The following ADAM33 variants were observed in gnomAD, a reference collection of about 807,000 sequenced individuals.
ADAM33 encodes disintegrin and metalloproteinase domain-containing protein 33.
A neutral mutation model predicts 106.2 loss-of-function variants in ADAM33; 103 were observed. That is an observed-to-expected ratio of 0.97 (90% CI 0.83 to 1.14). The LOEUF (loss-of-function observed/expected upper bound fraction) is 1.14, where lower values mean the gene tolerates loss of function less well. Ranked by LOEUF, ADAM33 falls within the 50% of genes most tolerant of loss-of-function variation. The pLI is 0.00. For synonymous variants in ADAM33, 483 were observed against 453.0 expected, an observed-to-expected ratio of 1.07 and a Z score of -0.84; for missense variants, 1,120 against 1,096.6, an observed-to-expected ratio of 1.02 and a Z score of -0.30.
intron 11 of ADAM33, 146 bp downstream of exon 11, chr20:3,673,208 A>G (rs532984716): frequency 6.5e-7 from 1 of 1,531,674 alleles, no homozygotes; most frequent in South Asian, 1.2e-5. Context: ...CTTCCCTTTA[A>G]GCCTCATAAA....
At position 3,674,637 on chromosome 20, in the gene ADAM33, C is replaced by G; in HGVS notation, c.467G>C (p.Arg156Pro). ...ASYYLRPWPPRGSKDFSTHEI... is the reference protein window; with the variant it reads ...ASYYLRPWPPPGSKDFSTHEI... ...GTGGGTTGAGAAGTCCTTGGAGCCC[C>G]GGGGTGGCCAGGGACGCAGATAATA... is the stretch of plus-strand genomic sequence containing the variant. Residue 156 changes from arginine (R) to proline (P), a missense_variant, in exon 6 of 22, where the codon CGG (arginine) becomes CCG (proline). By Grantham distance (103) the Arg-to-Pro change is moderately radical (BLOSUM62 -2). Transcript: ENST00000356518. The G allele has an allele frequency of 6.2e-6, 10 of 1,612,732 alleles. No homozygotes were observed. The highest frequency in any genetic ancestry group is 8.5e-6 in the Non-Finnish European group (10 of 1,179,606).
At chr20:3,679,062 C>A (rs574282569) in intron 2 of ADAM33, among the ~76,000 whole-genome samples, 4 of 151,722 alleles carry the variant, frequency 2.6e-5, no homozygotes, top group African/African-American at 9.7e-5. Context: ...CGTGGCAGGG[C>A]CCTGAGAGGG....
Position 3,679,549 on chromosome 20 carries a change from G to A in ADAM33, c.120C>T (p.Val40=), listed in dbSNP as rs1245074559. 6.2e-7 allele frequency: 1 copy of A among 1,610,138 alleles called. No individual in the cohort carries two copies. Among genetic ancestry groups the A allele is most frequent in the South Asian group, 1.1e-5 (1 of 89,950 alleles). ...GTCCATCCAGGACCCAGTGCGGGGT[G>A]ACTGGCTGCCCAGGGATATGTCCTG... The part of the protein sequence containing the change: ...VLQGHIPGQP[V]TPHWVLDGQP... The change falls in exon 2 of 22, where the codon GTC becomes GTT. Residue 40 remains valine, a synonymous_variant. Coordinates refer to ENST00000356518, the MANE Select transcript of ADAM33 (RefSeq NM_025220.5).
Position 3,673,575 on chromosome 20 carries a change from G to C in ADAM33, c.989C>G (p.Thr330Arg). ...CTCGCCCCCGCCCGCGGGGCTCACC[G>C]TGCTCACGCCTCCCGAGCTCTCGGC... ...CRAESSGGVSTDHSELPIGAA... is the reference protein window; with the variant it reads ...CRAESSGGVSRDHSELPIGAA... Residue 330 changes from threonine to arginine, a missense_variant and splice_region_variant, in exon 10 of 22, where the codon ACG becomes AGG. Transcript: ENST00000356518. The C allele has an allele frequency of 7.2e-7, 1 of 1,386,828 alleles. No homozygotes were observed. The highest frequency in any genetic ancestry group is 3.0e-5 in the East Asian group (1 of 33,682). The allele number at this position is 1,386,828 out of a possible 1,614,324, so 85.9% of individuals were successfully genotyped here. A position where few individuals can be genotyped will look rare whatever the true frequency, so the allele number is the denominator to read the frequency against.
chr20:3,672,619 C>T lies in ADAM33; in HGVS notation c.1319G>A (p.Arg440His), dbSNP rs1568802935. 1 of 1,613,450 alleles carries T rather than the reference C, an allele frequency of 6.2e-7. No homozygotes were observed. Residue 440 changes from arginine (R) to histidine (H), a missense_variant, in exon 13 of 22, where the codon CGC becomes CAC. By Grantham distance (29) the Arg-to-His change is conservative (BLOSUM62 0). Transcript: ENST00000356518. The stretch of plus-strand genomic sequence containing the variant: ...GTTGTGAGCAAAGCAGCAGAGGTCG[C>T]GGCACTCCTGGGACCAGAAAGGCAA... ...ECDCGPGQEC[R>H]DLCCFAHNCS... is the part of the protein sequence containing the mutation.
chr20:3,678,354 G>T (rs2088157979), intron 2 of ADAM33, among the ~76,000 whole-genome samples: 1 of 151,980 alleles, frequency 6.6e-6, no homozygotes, highest in Admixed American at 6.5e-5. Context: ...ACCGGTGGGG[G>T]AAGCAGAGCC....
At chr20:3,670,769 T>G in intron 19 of ADAM33, 2 of 559,050 alleles carry the variant, frequency 3.6e-6, no homozygotes, top group Admixed American at 6.2e-5. Flanking sequence ...GGAGCTGTAC[T>G]GGGAGGTAGA....
Position 3,673,618 on chromosome 20 carries a change from C to A in ADAM33, c.946G>T (p.Val316Phe). The change falls in exon 10 of 22, where the codon GTC becomes TTC. Residue 316 changes from valine (V) to phenylalanine (F), a missense_variant. Physicochemically the swap from Val to Phe is conservative, Grantham distance 50 (BLOSUM62 -1). Transcript: ENST00000356518. ...CTCTCGGCGCGGCACATGCCCTCGA[C>A]GGGCGCCAGGCCCACTGTGGCGCCC... ...FQGATVGLAP[V>F]EGMCRAESSG... The A allele has an allele frequency of 1.0e-5, 14 of 1,359,700 alleles. No individual in the cohort carries two copies. Among genetic ancestry groups the A allele is most frequent in the Non-Finnish European group, 1.1e-5 (12 of 1,063,694 alleles). The allele number at this position is 1,359,700 out of a possible 1,614,324, so 84.2% of individuals were successfully genotyped here.
chr20:3,669,093 A>G, intron 21 of ADAM33, 93 bp from the exon 22 acceptor site: 1 of 1,445,558 alleles, frequency 6.9e-7, no homozygotes, highest in Non-Finnish European at 9.7e-7. Context: ...AGTGAGGACC[A>G]GTGATCCAGG....
At chr20:3,673,260 A>G in intron 11 of ADAM33, 94 bp downstream of exon 11, 1 of 1,534,184 alleles carries the variant, frequency 6.5e-7, no homozygotes, top group Non-Finnish European at 8.7e-7. Flanking sequence ...CCCATTTTAC[A>G]GAAGAGGAAA....
chr20:3,672,226 A>G lies in ADAM33; in HGVS notation c.1505T>C (p.Leu502Pro), dbSNP rs769288537. Residue 502 changes from leucine to proline, a missense_variant, in exon 14 of 22, where the codon CTG (leucine) becomes CCG (proline). Physicochemically the swap from Leu to Pro is moderately conservative, Grantham distance 98. Transcript: ENST00000356518. The part of the protein sequence containing the change: ...SSHCPPDVYL[L>P]DGSPCARGSG... ...GCCCCTGGCACAGGGTGAGCCGTCC[A>G]GTAGGTAAACGTCTGGGGGACAGTG... The G allele has an allele frequency of 5.1e-5, 82 of 1,613,334 alleles. No individual in the cohort carries two copies. The highest frequency in any genetic ancestry group is 6.4e-5 in the Non-Finnish European group (76 of 1,180,030).
At chr20:3,680,711 C>CT (rs1897007173) in intron 1 of ADAM33, among the ~76,000 whole-genome samples, 2 of 152,212 alleles carry the variant, frequency 1.3e-5, no homozygotes, top group African/African-American at 4.8e-5. Flanking sequence ...CCAAGCTTTG[C>CT]TGCTCCTAGG....
rs770223257 is a variant in ADAM33 at position 3,674,207 on chromosome 20, G to T, written c.666+12C>A. ...ATCCCTGACCCCGCCAACCCCTGGG[G>T]TCTCTCCTCACCAGGGTGTGGTCTG... On this transcript the variant is annotated intron_variant, in intron 7 of 21. Transcript: ENST00000356518. The T allele has an allele frequency of 3.1e-6, 5 of 1,614,108 alleles. No individual in the cohort carries two copies. The South Asian group carries it at 5.5e-5, about 18-fold the overall frequency.
rs1568797315 is a variant in ADAM33 at position 3,671,125 on chromosome 20, GAGCATGGCC to G, written c.2112_2120del (p.Ala705_Leu707del). ...GGAGCAGAGGCAGCAGGACGCTGAG[GAGCATGGCC>G]AGCAGGAAGGTGTCATGGTCTGCGG... On this transcript the variant is annotated inframe_deletion, in exon 19 of 22. Transcript: ENST00000356518. 10 of 1,609,794 alleles carry G rather than the reference GAGCATGGCC, an allele frequency of 6.2e-6. No homozygotes were observed. The highest frequency in any genetic ancestry group is 7.6e-6 in the Non-Finnish European group (9 of 1,178,276).
Position 3,673,504 on chromosome 20 carries a change from G to C in ADAM33, c.991-8C>G, listed in dbSNP as rs536393047. On this transcript the variant is annotated splice_region_variant and splice_polypyrimidine_tract_variant and intron_variant, in intron 10 of 21. Transcript: ENST00000356518. ...GGGGAGCTCCGAGTGGTCCTGGGGGGCCGTGGGAGGGCGGTCACTGCGGCC... is the reference window on the plus strand; with the variant it reads ...GGGGAGCTCCGAGTGGTCCTGGGGGCCCGTGGGAGGGCGGTCACTGCGGCC... 5 of 1,482,742 alleles carry C rather than the reference G, an allele frequency of 3.4e-6. No homozygotes were observed. In the South Asian group the frequency reaches 4.2e-5, roughly 12 times the overall value. 91.8% of individuals were successfully genotyped at this position (1,482,742 alleles called of 1,614,324 possible).
chr20:3,674,281 T>G lies in ADAM33; in HGVS notation c.604A>C (p.Arg202=). 6.2e-7 allele frequency: 1 copy of G among 1,613,934 alleles called. No individual in the cohort carries two copies. The highest frequency in any genetic ancestry group is 2.2e-5 in the East Asian group (1 of 44,888). ...TTCCGGGTCCTGCGCGCTTCTCGCC[T>G]GCCCTGCGGAGGTGCAAATGGGGAC... ...SLPGGPQSRG[R]REARRTRKYL... The change falls in exon 7 of 22, where the codon AGG becomes CGG. Residue 202 remains arginine (R), a synonymous_variant. Transcript: ENST00000356518.
At position 3,671,277 on chromosome 20, in the gene ADAM33, G is replaced by A. The variant is rs1483629586; in HGVS notation, c.2052C>T (p.Gly684=). The A allele has an allele frequency of 1.2e-6, 2 of 1,613,942 alleles. No homozygotes were observed. Among genetic ancestry groups the A allele is most frequent in the South Asian group, 2.2e-5 (2 of 91,088 alleles). ...GGCCACTGTCCATGCTGCCACCAAA[G>A]CCTGGCTTGTCACAGAAGGGTGGAG... is the stretch of plus-strand genomic sequence containing the variant. ...GWAPPFCDKP[G]FGGSMDSGPV... The change falls in exon 18 of 22, where the codon GGC becomes GGT. Residue 684 remains glycine (G), a synonymous_variant. Transcript: ENST00000356518.
chr20:3,680,169 G>A (rs933743241), intron 1 of ADAM33, among the ~76,000 whole-genome samples: 5 of 152,028 alleles, frequency 3.3e-5, no homozygotes, highest in East Asian at 1.9e-4. Flanking sequence ...CTCCCTGGCC[G>A]GGTGTGCCTA....
chr20:3,669,659 C>T (rs1044246215), intron 19 of ADAM33, 22 bp from the exon 20 acceptor site: 2 of 1,588,410 alleles, frequency 1.3e-6, no homozygotes, highest in Non-Finnish European at 1.7e-6. Flanking sequence ...GATAAGAGTC[C>T]AGGAGGTTGG....
Sources: gnomAD v4.1 joint callset for allele counts (sites outside exome capture counted in the v4.1 genomes callset) on GRCh38, gnomAD v4.1.1 for gene constraint, MANE v1.5 for transcripts, NCBI Gene and HGNC (gene_info 2026-07-23, HGNC 2026-07-21) for gene names.